DLGAP4: variants seen among roughly 807,000 people sequenced by gnomAD.
The protein encoded by DLGAP4 is DLG associated protein 4, also known as disks large-associated protein 4.
In DLGAP4, 18 loss-of-function variants were observed where a neutral mutation model predicts 86.9. The observed-to-expected ratio is 0.21, with a 90% CI of 0.14 to 0.31. The LOEUF (loss-of-function observed/expected upper bound fraction) is 0.31, where lower values mean the gene tolerates loss of function less well. DLGAP4 is among the 10% of genes least tolerant of loss of function. The pLI, the probability that DLGAP4 is intolerant of heterozygous loss-of-function variation, is 1.00. For missense variants in DLGAP4, 1,085 were observed against 1,362.6 expected (o/e 0.80, Z 3.21); for synonymous variants, 548 against 574.3 (o/e 0.95, Z 0.65).
At chr20:36,476,687 A>ATTTTTTTTTTTTTTTTTTGTTTTTTTTT (rs74173983) in intron 7 of DLGAP4, among the ~76,000 whole-genome samples, 2 of 91,538 alleles carry the variant, frequency 2.2e-5, no homozygotes, top group African/African-American at 4.8e-5. Context: ...CACTAGCCCA[A>ATTTTTTTTTTTTTTTTTTGTTTTTTTTT]TTTTTTTTTT....
At chr20:36,483,535 G>A (rs1446858995) in intron 7 of DLGAP4, among the ~76,000 whole-genome samples, 1 of 152,174 alleles carries the variant, frequency 6.6e-6, no homozygotes, top group Non-Finnish European at 1.5e-5. Context: ...AGAATAACAT[G>A]TGGGAATTCT....
intron 1 of DLGAP4, among the ~76,000 whole-genome samples, chr20:36,365,221 G>T (rs573497981): frequency 1.3e-5 from 2 of 152,350 alleles, no homozygotes; most frequent in East Asian, 3.9e-4. Flanking sequence ...GCACCCTGCC[G>T]TGCTGGGCAC....
At chr20:36,428,088 G>A (rs987269631) in intron 2 of DLGAP4, among the ~76,000 whole-genome samples, 9 of 152,210 alleles carry the variant, frequency 5.9e-5, no homozygotes, top group African/African-American at 2.2e-4. Context: ...TGAACTAAAC[G>A]TCCAACTCAA....
In DLGAP4 at chr20:36,527,089, G is replaced by A. The variant is rs1209825623; in HGVS notation, c.*58G>A. 22 of 1,480,734 alleles carry A rather than the reference G, an allele frequency of 1.5e-5. No individual in the cohort carries two copies. The African/African-American group carries it at 1.6e-4, about 10-fold the overall frequency. 91.7% of individuals were successfully genotyped at this position (1,480,734 alleles called of 1,614,324 possible). On this transcript the variant is annotated 3_prime_UTR_variant, in exon 13 of 13. Coordinates refer to ENST00000339266, the MANE Select transcript of DLGAP4 (RefSeq NM_001365621.2). ...CATTAAAAACACAAAAACTAAGTGC[G>A]AACGGAACAGAGTTTTCTCAACCTT... is the stretch of plus-strand genomic sequence containing the variant.
At chr20:36,462,216 C>T in intron 7 of DLGAP4, 7 of 1,149,886 alleles carry the variant, frequency 6.1e-6, no homozygotes, top group Non-Finnish European at 7.5e-6. Flanking sequence ...CCCAATATGT[C>T]CTCAGCTCCC....
At chr20:36,505,384 A>C (rs2036317217) in intron 10 of DLGAP4, among the ~76,000 whole-genome samples, 1 of 152,184 alleles carries the variant, frequency 6.6e-6, no homozygotes, top group African/African-American at 2.4e-5. Flanking sequence ...TATTAATAAA[A>C]ATTTAAGATA....
At chr20:36,497,698 C>CA in intron 8 of DLGAP4, 1 of 969,738 alleles carries the variant, frequency 1.0e-6, no homozygotes, top group Non-Finnish European at 1.2e-6. Flanking sequence ...GATGGTTCCC[C>CA]AGGGTTAGGT....
chr20:36,477,100 TTTTTTC>T (rs1488494756), intron 7 of DLGAP4, among the ~76,000 whole-genome samples: 1 of 150,392 alleles, frequency 6.6e-6, no homozygotes, highest in Non-Finnish European at 1.5e-5. Flanking sequence ...TTTTTTTCTC[TTTTTTC>T]TTTTTTTTTT....
intron 10 of DLGAP4, chr20:36,512,655 G>C (rs2147818821): frequency 6.6e-6 from 1 of 152,430 alleles, no homozygotes; most frequent in Non-Finnish European, 1.5e-5. Flanking sequence ...GCACAGGCAG[G>C]GTCGGTGTTG....
intron 6 of DLGAP4, 24 bp downstream of exon 6, chr20:36,442,801 C>T: frequency 1.9e-6 from 3 of 1,614,146 alleles, no homozygotes; most frequent in Non-Finnish European, 2.5e-6. Flanking sequence ...CCCTTCTCTT[C>T]CACCCCAATC....
At chr20:36,492,712 G>A (rs1295403281) in intron 7 of DLGAP4, 1 of 152,178 alleles carries the variant, frequency 6.6e-6, no homozygotes, top group African/African-American at 2.4e-5. Context: ...GCTAGGCTTA[G>A]TGCCCAGTTC....
intron 2 of DLGAP4, among the ~76,000 whole-genome samples, chr20:36,409,757 G>A (rs1158280994): frequency 2.0e-5 from 3 of 151,072 alleles, no homozygotes; most frequent in African/African-American, 7.3e-5. Context: ...CTCCTGGCCG[G>A]GCGCAGTGGC....
chr20:36,442,496 G>A (rs1211691494), intron 5 of DLGAP4, among the ~76,000 whole-genome samples: 1 of 152,186 alleles, frequency 6.6e-6, no homozygotes. Context: ...GCCCAGCCAA[G>A]AAGGACTTTT....
chr20:36,311,425 AC>A (rs1380076507), intron 1 of DLGAP4, among the ~76,000 whole-genome samples: 20 of 152,094 alleles, frequency 1.3e-4, no homozygotes, highest in Admixed American at 2.6e-4. Flanking sequence ...CTTTTCAAAA[AC>A]CCAAAATGAA....
intron 1 of DLGAP4, among the ~76,000 whole-genome samples, chr20:36,332,294 G>A (rs748918132): frequency 7.9e-5 from 12 of 152,070 alleles, no homozygotes; most frequent in South Asian, 2.1e-4. Context: ...GAAATGGCCC[G>A]ATCTCCACGG....
At chr20:36,448,545 C>T (rs1034163069) in intron 7 of DLGAP4, among the ~76,000 whole-genome samples, 1 of 152,214 alleles carries the variant, frequency 6.6e-6, no homozygotes, top group Admixed American at 6.5e-5. Flanking sequence ...GTGCATAGGA[C>T]ATGTTTAGGC....
chr20:36,511,214 A>AT (rs1478368330), intron 10 of DLGAP4, among the ~76,000 whole-genome samples: 2 of 152,038 alleles, frequency 1.3e-5, no homozygotes, highest in Non-Finnish European at 2.9e-5. Context: ...ATTTAATTTA[A>AT]TTTTTTGAGA....
intron 2 of DLGAP4, among the ~76,000 whole-genome samples, chr20:36,372,635 C>T (rs190614841): frequency 1.3e-5 from 2 of 151,758 alleles, no homozygotes; most frequent in East Asian, 1.9e-4. Context: ...TGAAGTCAAA[C>T]TCTCTGAATC....
At chr20:36,490,788 G>C (rs1163456853) in intron 7 of DLGAP4, among the ~76,000 whole-genome samples, 1 of 152,166 alleles carries the variant, frequency 6.6e-6, no homozygotes, top group East Asian at 1.9e-4. Flanking sequence ...GACACATGCA[G>C]GGGGCTAGCT....
Sources: allele counts gnomAD v4.1 joint callset (sites outside exome capture counted in the v4.1 genomes callset), GRCh38; gene constraint gnomAD v4.1.1; transcripts MANE v1.5; gene names NCBI Gene and HGNC (gene_info 2026-07-23, HGNC 2026-07-21).